GOLGA8B: variants seen among roughly 807,000 people sequenced by gnomAD.
GOLGA8B encodes the protein golgin subfamily A member 8B.
In GOLGA8B, 1 loss-of-function variant was observed where a neutral mutation model predicts 15.6. The observed-to-expected ratio is 0.06, with a 90% CI of 0.02 to 0.30. The LOEUF is 0.30. Among genes scored for constraint, GOLGA8B ranks in the 10% least tolerant of loss-of-function variants. The pLI is 1.00. For missense variants in GOLGA8B, 17 were observed against 201.3 expected (o/e 0.08, Z 5.54); for synonymous variants, 9 against 80.3 (o/e 0.11, Z 4.75).
intron 1 of GOLGA8B, among the ~76,000 whole-genome samples, chr15:34,572,822 A>T (rs75639786): frequency 6.6e-6 from 1 of 152,230 alleles, no homozygotes; most frequent in Non-Finnish European, 1.5e-5. Flanking sequence ...TGTTATATAG[A>T]TCTATCATAT....
chr15:34,530,883 TAC>T (rs377524005), intron 15 of GOLGA8B, among the ~76,000 whole-genome samples: 3 of 8 alleles, frequency 0.38, 1 homozygote, highest in African/African-American at 0.38. Flanking sequence ...TCATACTATG[TAC>T]ACACACACAC....
chr15:34,579,164 G>A (rs1595713337), intron 1 of GOLGA8B, among the ~76,000 whole-genome samples: 1 of 152,170 alleles, frequency 6.6e-6, no homozygotes, highest in East Asian at 1.9e-4. Context: ...TAGTGGCAGG[G>A]CCAGGCTGGA....
chr15:34,544,337 T>TA (rs1888260356), intron 7 of GOLGA8B, among the ~76,000 whole-genome samples: 1 of 100,276 alleles, frequency 1.0e-5, no homozygotes, highest in African/African-American at 4.4e-5. Context: ...ATGGTCATGG[T>TA]AAAAAACCTA....
chr15:34,583,292 G>A (rs975558235), intron 1 of GOLGA8B, among the ~76,000 whole-genome samples: 1 of 152,048 alleles, frequency 6.6e-6, no homozygotes, highest in African/African-American at 2.4e-5. Flanking sequence ...CGCCTGTCGT[G>A]GGAGGAGGAT....
At position 34,532,876 on chromosome 15, in the gene GOLGA8B, G is replaced by C. The variant is rs762925761; in HGVS notation, c.255C>G (p.Ile85Met). 1 of 1,200,090 alleles carries C rather than the reference G, an allele frequency of 8.3e-7. No homozygotes were observed. Among genetic ancestry groups the C allele is most frequent in the South Asian group, 1.4e-5 (1 of 69,040 alleles). The allele number at this position is 1,200,090 out of a possible 1,614,324, so 74.3% of individuals were successfully genotyped here. The change falls in exon 11 of 24, where the codon ATC becomes ATG. Residue 85 changes from isoleucine (I) to methionine (M), a missense_variant. Around this residue, in one of 4 missense-constraint regions of GOLGA8B, gnomAD observed 5 missense variants for 35.9 expected, o/e 0.14. Transcript: ENST00000683415. ...AAVLNSRSIK[I>M]SRLNDTIKSL... ...ATTTGATGGTGTCATTCAGTCGACT[G>C]ATTTTTATGGACCTCGAGTTCAGGA...
At chr15:34,575,356 A>C (rs1889045051) in intron 1 of GOLGA8B, among the ~76,000 whole-genome samples, 1 of 149,196 alleles carries the variant, frequency 6.7e-6, no homozygotes, top group African/African-American at 2.5e-5. Flanking sequence ...TGCACCCCTC[A>C]ACACACCCCT....
At chr15:34,576,906 T>A (rs1363232917) in intron 1 of GOLGA8B, among the ~76,000 whole-genome samples, 1 of 152,210 alleles carries the variant, frequency 6.6e-6, no homozygotes, top group Non-Finnish European at 1.5e-5. Context: ...CTGCACTGAC[T>A]GACTGCTTTC....
chr15:34,525,125 GTTCTT>G lies in GOLGA8B; in HGVS notation c.*2502_*2506del, dbSNP rs1249205340. 1.3e-5 allele frequency: 2 copies of G among 148,970 alleles called. No homozygotes were observed. The highest frequency in any genetic ancestry group is 5.0e-5 in the African/African-American group (2 of 40,222). The allele number at this position is 148,970 out of a possible 1,614,324, so 9.2% of individuals were successfully genotyped here. On this transcript the variant is annotated 3_prime_UTR_variant, in exon 24 of 24. Transcript: ENST00000683415. The stretch of plus-strand genomic sequence containing the variant: ...TAATCCCATACCTTTTTTATTTTGT[GTTCTT>G]TTAATAAACACTTGCATAGTTATAC...
chr15:34,583,470 G>C (rs908568643), intron 1 of GOLGA8B, 46 bp downstream of exon 1: 1 of 151,460 alleles, frequency 6.6e-6, no homozygotes, highest in East Asian at 2.0e-4. Context: ...GGCGGCCCCA[G>C]GTTGCCGCCG....
At chr15:34,572,899 T>A (rs986064287) in intron 1 of GOLGA8B, among the ~76,000 whole-genome samples, 1 of 152,090 alleles carries the variant, frequency 6.6e-6, no homozygotes, top group African/African-American at 2.4e-5. Flanking sequence ...GCCAGAAAAA[T>A]GGCAGCTTTC....
chr15:34,575,056 C>T (rs4081803), intron 1 of GOLGA8B: 1 of 150,242 alleles, frequency 6.7e-6, no homozygotes, highest in African/African-American at 2.4e-5. Context: ...TGTTCCCGCT[C>T]CTTCTTGGAG....
At chr15:34,560,289 C>CT (rs1888594536) in intron 1 of GOLGA8B, among the ~76,000 whole-genome samples, 1 of 130,062 alleles carries the variant, frequency 7.7e-6, no homozygotes, top group Admixed American at 8.2e-5. Context: ...GTGTATATTC[C>CT]TAAAAGTAGA....
intron 1 of GOLGA8B, among the ~76,000 whole-genome samples, chr15:34,576,457 C>G (rs1231702423): frequency 6.6e-6 from 1 of 152,176 alleles, no homozygotes; most frequent in Non-Finnish European, 1.5e-5. Context: ...AGCTTCCAAC[C>G]CAACACAGCA....
chr15:34,573,571 G>A (rs1319104661), intron 1 of GOLGA8B, among the ~76,000 whole-genome samples: 5 of 144,724 alleles, frequency 3.5e-5, no homozygotes, highest in Non-Finnish European at 4.5e-5. Flanking sequence ...AAATTCACCA[G>A]AAGTTCCCAA....
intron 1 of GOLGA8B, among the ~76,000 whole-genome samples, chr15:34,581,219 G>C (rs1164294588): frequency 3.9e-5 from 6 of 152,226 alleles, no homozygotes; most frequent in Non-Finnish European, 7.3e-5. Context: ...GCAGAGGACA[G>C]CGAGGAGTGC....
intron 1 of GOLGA8B, among the ~76,000 whole-genome samples, chr15:34,579,815 G>C (rs995787408): frequency 6.6e-6 from 1 of 152,214 alleles, no homozygotes; most frequent in Admixed American, 6.5e-5. Context: ...ACAGCACTAA[G>C]GCTCTGCTGT....
intron 1 of GOLGA8B, among the ~76,000 whole-genome samples, chr15:34,565,152 TGAGA>T (rs1888726571): frequency 9.3e-6 from 1 of 107,738 alleles, no homozygotes. Flanking sequence ...TTTTTTTTTT[TGAGA>T]CGGAGTCTCA....
chr15:34,528,137 CA>C, intron 22 of GOLGA8B, 51 bp downstream of exon 22: 1 of 439,796 alleles, frequency 2.3e-6, no homozygotes, highest in Admixed American at 5.5e-5. Flanking sequence ...ATGCCCACCC[CA>C]CCCACACCCC....
rs182917448 is a variant in GOLGA8B at position 34,526,182 on chromosome 15, G to A, written c.*1450C>T. On this transcript the variant is annotated 3_prime_UTR_variant, in exon 24 of 24. Transcript: ENST00000683415. ...AGTTTGTGAGGAAATACAACTCTGCGATCGTATAGACATGTTTCCTGATAA... is the reference window on the plus strand; with the variant it reads ...AGTTTGTGAGGAAATACAACTCTGCAATCGTATAGACATGTTTCCTGATAA... The A allele has an allele frequency of 3.3e-5, 5 of 149,902 alleles. No homozygotes were observed. Among genetic ancestry groups the A allele is most frequent in the Non-Finnish European group, 7.4e-5 (5 of 67,236 alleles). The allele number at this position is 149,902 out of a possible 1,614,324, so 9.3% of individuals were successfully genotyped here.
Sources: allele counts gnomAD v4.1 joint callset (sites outside exome capture counted in the v4.1 genomes callset), GRCh38; gene constraint gnomAD v4.1.1; regional missense constraint gnomAD v4.1.1; transcripts MANE v1.5; gene names NCBI Gene and HGNC (gene_info 2026-07-23, HGNC 2026-07-21).